Variants in DGKB observed in about 807,000 individuals in gnomAD.
DGKB encodes the protein 90 kDa diacylglycerol kinase.
In DGKB, 67 loss-of-function variants were observed where a neutral mutation model predicts 114.3. The ratio of observed to expected loss-of-function variants is 0.59; its 90% CI spans 0.48 to 0.72. The LOEUF is 0.72. Ranked by LOEUF, DGKB falls within the 30% of genes least tolerant of loss-of-function variation. DGKB has a pLI of 0.00. For synonymous variants in DGKB, 398 were observed against 323.1 expected (o/e 1.23, Z -2.49); for missense variants, 907 against 975.2 (o/e 0.93, Z 0.93).
At chr7:14,563,217 C>T (rs1230459203) in intron 20 of DGKB, among the ~76,000 whole-genome samples, 1 of 152,158 alleles carries the variant, frequency 6.6e-6, no homozygotes, top group African/African-American at 2.4e-5. Flanking sequence ...GTCCACTAAA[C>T]CTATTTTTCT....
chr7:14,341,809 A>C (rs1811647774), intron 22 of DGKB, among the ~76,000 whole-genome samples: 1 of 151,904 alleles, frequency 6.6e-6, no homozygotes, highest in South Asian at 2.1e-4. Context: ...GATCCACTTA[A>C]CATGTCAGTT....
At chr7:14,308,004 C>T (rs1305987196) in intron 23 of DGKB, among the ~76,000 whole-genome samples, 1 of 151,926 alleles carries the variant, frequency 6.6e-6, no homozygotes, top group African/African-American at 2.4e-5. Flanking sequence ...AACACATTTT[C>T]CTGATTTTAA....
At chr7:14,153,636 C>T (rs544177965) in intron 25 of DGKB, among the ~76,000 whole-genome samples, 1 of 152,154 alleles carries the variant, frequency 6.6e-6, no homozygotes, top group South Asian at 2.1e-4. Flanking sequence ...CCCTAGAGAG[C>T]ATTCCCTCTC....
At chr7:14,608,451 A>G (rs1011487964) in intron 16 of DGKB, among the ~76,000 whole-genome samples, 3 of 152,088 alleles carry the variant, frequency 2.0e-5, no homozygotes, top group Non-Finnish European at 4.4e-5. Flanking sequence ...AAATAATAAA[A>G]GCCATCTATG....
At chr7:14,851,192 A>G (rs1022151024) in intron 1 of DGKB, among the ~76,000 whole-genome samples, 1 of 152,180 alleles carries the variant, frequency 6.6e-6, no homozygotes, top group South Asian at 2.1e-4. Flanking sequence ...TTAATATAAA[A>G]TTCATAATTG....
At chr7:14,156,005 A>G (rs989964907) in intron 25 of DGKB, among the ~76,000 whole-genome samples, 2 of 152,256 alleles carry the variant, frequency 1.3e-5, no homozygotes, top group East Asian at 1.9e-4. Context: ...TATGAATAGC[A>G]GATGTTAGAC....
intron 9 of DGKB, among the ~76,000 whole-genome samples, chr7:14,693,338 T>C (rs570002385): frequency 5.9e-5 from 9 of 152,206 alleles, no homozygotes; most frequent in African/African-American, 2.2e-4. Context: ...ATTTTTAGAA[T>C]AAAAATAACT....
intron 20 of DGKB, among the ~76,000 whole-genome samples, chr7:14,488,917 A>T (rs1784229974): frequency 6.6e-6 from 1 of 152,036 alleles, no homozygotes; most frequent in South Asian, 2.1e-4. Context: ...AAACAACAAA[A>T]ATTAGGTCTA....
intron 13 of DGKB, among the ~76,000 whole-genome samples, chr7:14,665,126 T>C (rs1420071775): frequency 6.6e-6 from 1 of 151,996 alleles, no homozygotes; most frequent in African/African-American, 2.4e-5. Flanking sequence ...TTCCAATTTA[T>C]CAATATAAAA....
intron 1 of DGKB, among the ~76,000 whole-genome samples, chr7:14,957,576 A>G (rs1786584455): frequency 6.6e-6 from 1 of 152,012 alleles, no homozygotes; most frequent in Non-Finnish European, 1.5e-5. Flanking sequence ...TGCACCTAAC[A>G]ATGATCTTGA....
intron 16 of DGKB, among the ~76,000 whole-genome samples, chr7:14,607,839 G>GCA (rs1464650721): frequency 7.9e-6 from 1 of 126,698 alleles, no homozygotes; most frequent in Admixed American, 7.3e-5. Context: ...TCAAATAAAT[G>GCA]TATTTTTTTA....
intron 23 of DGKB, among the ~76,000 whole-genome samples, chr7:14,200,889 T>A (rs1388307806): frequency 6.6e-6 from 1 of 151,984 alleles, no homozygotes; most frequent in Non-Finnish European, 1.5e-5. Context: ...GTAATGAAGA[T>A]TCAGTCATGA....
At chr7:14,567,655 G>T (rs1272085056) in intron 20 of DGKB, among the ~76,000 whole-genome samples, 1 of 143,464 alleles carries the variant, frequency 7.0e-6, no homozygotes, top group Non-Finnish European at 1.5e-5. Context: ...TGTGCAGGCT[G>T]CAGTGCAGTG....
At chr7:14,200,831 T>A (rs1785757623) in intron 23 of DGKB, among the ~76,000 whole-genome samples, 1 of 151,860 alleles carries the variant, frequency 6.6e-6, no homozygotes, top group South Asian at 2.1e-4. Context: ...GGGAGAGAGT[T>A]GGGATTGTAG....
intron 2 of DGKB, among the ~76,000 whole-genome samples, chr7:14,824,306 G>A (rs1203525642): frequency 1.3e-5 from 2 of 151,992 alleles, no homozygotes; most frequent in Non-Finnish European, 2.9e-5. Context: ...GATAAATTAC[G>A]TTTTCACGTT....
intron 21 of DGKB, among the ~76,000 whole-genome samples, chr7:14,431,212 G>T (rs1828402116): frequency 6.6e-6 from 1 of 151,550 alleles, no homozygotes; most frequent in Non-Finnish European, 1.5e-5. Context: ...TTGGAAGCTG[G>T]ATCATCATGA....
chr7:14,885,119 C>T (rs1264094404), intron 1 of DGKB, among the ~76,000 whole-genome samples: 6 of 151,908 alleles, frequency 3.9e-5, no homozygotes, highest in Middle Eastern at 3.4e-3. Flanking sequence ...AACATCTGAG[C>T]GAGGTAACTT....
At chr7:14,231,686 A>G (rs866980157) in intron 23 of DGKB, among the ~76,000 whole-genome samples, 3 of 151,346 alleles carry the variant, frequency 2.0e-5, no homozygotes, top group Non-Finnish European at 4.4e-5. Flanking sequence ...ATGGATGGTA[A>G]TTTTCTGCTA....
chr7:14,520,208 C>CTTTTTTTTTTTTTT (rs1319688779), intron 20 of DGKB, among the ~76,000 whole-genome samples: 3 of 89,260 alleles, frequency 3.4e-5, no homozygotes, highest in Non-Finnish European at 7.3e-5. Context: ...ATCTTTTTTC[C>CTTTTTTTTTTTTTT]TATTTTTTTT....
Sources: gnomAD v4.1 joint callset for allele counts (sites outside exome capture counted in the v4.1 genomes callset) on GRCh38, gnomAD v4.1.1 for gene constraint, MANE v1.5 for transcripts, NCBI Gene and HGNC (gene_info 2026-07-23, HGNC 2026-07-21) for gene names.